The following ADISSP variants were observed in gnomAD, a reference collection of about 807,000 sequenced individuals.
ADISSP encodes the protein adipose secreted signaling protein, also known as adipose-secreted signaling protein.
the ADISSP span, among the ~76,000 whole-genome samples, chr20:3,756,815 G>A: frequency 6.6e-6 from 1 of 152,160 alleles, no homozygotes; most frequent in Non-Finnish European, 1.5e-5. Flanking sequence ...GTAACACCCA[G>A]GAACAGGGAG....
chr20:3,763,300 G>A, the ADISSP span, among the ~76,000 whole-genome samples: 1 of 149,698 alleles, frequency 6.7e-6, no homozygotes, highest in African/African-American at 2.5e-5. Flanking sequence ...GCTCACGCCT[G>A]TAATCACAGC....
the ADISSP span, among the ~76,000 whole-genome samples, chr20:3,762,552 G>C: frequency 6.6e-6 from 1 of 152,126 alleles, no homozygotes. Context: ...TGTAGAGACA[G>C]AGTTGCCCAG....
chr20:3,760,027 C>G, the ADISSP span: 1 of 1,612,536 alleles, frequency 6.2e-7, no homozygotes, highest in Non-Finnish European at 8.5e-7. Context: ...GGCCCTCCTA[C>G]CAGGGCCCAC....
At chr20:3,756,647 G>A in the ADISSP span, among the ~76,000 whole-genome samples, 2 of 152,220 alleles carry the variant, frequency 1.3e-5, no homozygotes, top group African/African-American at 2.4e-5. Flanking sequence ...TGCTCTGCTG[G>A]TAGGGGGCAC....
chr20:3,758,025 T>C, the ADISSP span, among the ~76,000 whole-genome samples: 9 of 151,898 alleles, frequency 5.9e-5, no homozygotes, highest in African/African-American at 1.9e-4. This position sits in a 1 kb window ranked among gnomAD's most constrained non-coding sequence, Gnocchi z 5.5. Context: ...CAGGGGGTGA[T>C]AATACTACTT....
chr20:3,760,104 C>T, the ADISSP span: 315 of 1,610,442 alleles, frequency 2.0e-4, 6 homozygotes, highest in South Asian at 3.2e-3. Context: ...CAGCCATGGA[C>T]GCCCTCCCTG....
chr20:3,758,244 G>A, the ADISSP span, among the ~76,000 whole-genome samples: 2 of 152,212 alleles, frequency 1.3e-5, no homozygotes, highest in Non-Finnish European at 2.9e-5. The surrounding 1 kb of genome is among the most constrained non-coding windows in gnomAD (Gnocchi z 5.5). Flanking sequence ...GGCTGGCCTA[G>A]ACCTGAACTC....
chr20:3,754,139 G>T, the ADISSP span: 3 of 1,612,628 alleles, frequency 1.9e-6, no homozygotes, highest in Admixed American at 1.7e-5. Flanking sequence ...CCAGCAGCAT[G>T]GGCGTGCCGT....
the ADISSP span, chr20:3,767,755 G>GC: frequency 6.6e-6 from 1 of 151,856 alleles, no homozygotes; most frequent in Non-Finnish European, 1.5e-5. Flanking sequence ...GAGGAAGGGA[G>GC]CCCCGCGCCG....
chr20:3,754,337 A>C, the ADISSP span: 1 of 1,589,378 alleles, frequency 6.3e-7, no homozygotes, highest in African/African-American at 1.3e-5. Flanking sequence ...TGAGGAGGAC[A>C]GAAACCCTCG....
the ADISSP span, chr20:3,754,292 G>T: frequency 6.7e-7 from 1 of 1,502,786 alleles, no homozygotes; most frequent in Non-Finnish European, 9.2e-7. Context: ...GAACCCCTGA[G>T]CCGGGCAAGG....
the ADISSP span, among the ~76,000 whole-genome samples, chr20:3,760,977 A>G: frequency 6.6e-6 from 1 of 152,218 alleles, no homozygotes; most frequent in Admixed American, 6.5e-5. Context: ...AGAAAAGAAG[A>G]GAGAAAGCAA....
chr20:3,767,383 C>A, the ADISSP span: 1 of 152,568 alleles, frequency 6.6e-6, no homozygotes. Flanking sequence ...TACGCCCCCG[C>A]CCTCACTACC....
At chr20:3,760,467 C>A in the ADISSP span, among the ~76,000 whole-genome samples, 2 of 152,196 alleles carry the variant, frequency 1.3e-5, no homozygotes, top group Non-Finnish European at 2.9e-5. Flanking sequence ...GCATAGGACT[C>A]CTATCCCCAG....
the ADISSP span, among the ~76,000 whole-genome samples, chr20:3,758,192 A>G: frequency 6.6e-6 from 1 of 152,222 alleles, no homozygotes; most frequent in East Asian, 1.9e-4. The surrounding 1 kb of genome is among the most constrained non-coding windows in gnomAD (Gnocchi z 5.5). Flanking sequence ...ACTTGAGAGA[A>G]AAGAAACTCA....
At chr20:3,764,676 C>T in the ADISSP span, among the ~76,000 whole-genome samples, 8 of 152,238 alleles carry the variant, frequency 5.3e-5, no homozygotes, top group Admixed American at 1.3e-4. Flanking sequence ...CCTGTGTCCC[C>T]GGCACTCAGC....
chr20:3,760,311 G>A, the ADISSP span: 1 of 565,474 alleles, frequency 1.8e-6, no homozygotes, highest in Non-Finnish European at 3.2e-6. Flanking sequence ...CCCAAGTGGT[G>A]CCTGTACTCT....
At chr20:3,755,330 G>A in the ADISSP span, 1 of 738,424 alleles carries the variant, frequency 1.4e-6, no homozygotes, top group Admixed American at 2.2e-5. Context: ...GACCTGCCAT[G>A]CTGCCACAGT....
chr20:3,763,557 C>CTAAA, the ADISSP span, among the ~76,000 whole-genome samples: 1 of 117,534 alleles, frequency 8.5e-6, no homozygotes. Context: ...AACTCCGTCT[C>CTAAA]AAAAAAAAAA....
Sources: gnomAD v4.1 joint callset for allele counts (sites outside exome capture counted in the v4.1 genomes callset) on GRCh38, gnomAD v4.1.1 for gene constraint, Gnocchi (gnomAD v3.1) non-coding constraint, MANE v1.5 for transcripts, NCBI Gene and HGNC (gene_info 2026-07-23, HGNC 2026-07-21) for gene names.